Variants in TRPC1 observed in about 807,000 individuals in gnomAD.
TRPC1 encodes transient receptor potential cation channel subfamily C member 1.
A neutral mutation model predicts 88.2 loss-of-function variants in TRPC1; 42 were observed. That is an observed-to-expected ratio of 0.48 (90% CI 0.37 to 0.62). TRPC1 has a LOEUF of 0.62. Among genes scored for constraint, TRPC1 ranks in the 20% least tolerant of loss-of-function variants. The pLI, the probability that TRPC1 is intolerant of heterozygous loss-of-function variation, is 0.00. For synonymous variants in TRPC1, 288 were observed against 331.8 expected, an observed-to-expected ratio of 0.87 and a Z score of 1.43; for missense variants, 699 against 957.3, an observed-to-expected ratio of 0.73 and a Z score of 3.56.
intron 3 of TRPC1, among the ~76,000 whole-genome samples, chr3:142,745,336 C>T (rs1158395866): frequency 1.3e-5 from 2 of 152,140 alleles, no homozygotes; most frequent in Non-Finnish European, 2.9e-5. Flanking sequence ...TTTTATTCAT[C>T]ACCATTATCA....
At chr3:142,749,063 A>G (rs1208544682) in intron 4 of TRPC1, among the ~76,000 whole-genome samples, 1 of 152,218 alleles carries the variant, frequency 6.6e-6, no homozygotes, top group African/African-American at 2.4e-5. Context: ...CAGCAGAAAC[A>G]TTTATACATA....
intron 4 of TRPC1, among the ~76,000 whole-genome samples, chr3:142,772,823 A>G (rs1935624200): frequency 6.6e-6 from 1 of 152,118 alleles, no homozygotes; most frequent in Non-Finnish European, 1.5e-5. Context: ...TTTGTTTTAC[A>G]GTTTGGGAAC....
chr3:142,778,344 G>C (rs1025158055), intron 5 of TRPC1, among the ~76,000 whole-genome samples: 1 of 151,564 alleles, frequency 6.6e-6, no homozygotes, highest in African/African-American at 2.4e-5. Context: ...CTTCTGAAAT[G>C]AAGATTAAAT....
At chr3:142,754,591 C>T (rs1204405795) in intron 4 of TRPC1, among the ~76,000 whole-genome samples, 1 of 152,062 alleles carries the variant, frequency 6.6e-6, no homozygotes, top group Non-Finnish European at 1.5e-5. Flanking sequence ...GTTTAACTTG[C>T]ATAGTGTTTT....
chr3:142,789,207 G>T (rs1309375110), intron 7 of TRPC1, among the ~76,000 whole-genome samples: 1 of 152,156 alleles, frequency 6.6e-6, no homozygotes, highest in Non-Finnish European at 1.5e-5. Context: ...AGAAAGTATG[G>T]TCATGGAGGA....
At chr3:142,756,193 G>GAA (rs1934953962) in intron 4 of TRPC1, among the ~76,000 whole-genome samples, 1 of 152,028 alleles carries the variant, frequency 6.6e-6, no homozygotes, top group Admixed American at 6.6e-5. Context: ...CCAGTTTTTG[G>GAA]CAGTGAACAT....
At chr3:142,750,371 T>C (rs1934711106) in intron 4 of TRPC1, among the ~76,000 whole-genome samples, 1 of 151,958 alleles carries the variant, frequency 6.6e-6, no homozygotes, top group Non-Finnish European at 1.5e-5. Context: ...TGAGATACCA[T>C]CTCATGCCAG....
intron 4 of TRPC1, among the ~76,000 whole-genome samples, chr3:142,774,952 AC>A (rs1239099627): frequency 3.3e-5 from 5 of 152,196 alleles, no homozygotes; most frequent in Non-Finnish European, 5.9e-5. Context: ...ATTAATCCTT[AC>A]TATATCTTGA....
chr3:142,745,468 AC>A (rs923820993), intron 3 of TRPC1, among the ~76,000 whole-genome samples: 3 of 152,028 alleles, frequency 2.0e-5, no homozygotes, highest in Admixed American at 6.6e-5. Context: ...ATATGGAGAA[AC>A]CCCATCTCTA....
intron 12 of TRPC1, 51 bp from the exon 13 acceptor site, chr3:142,805,957 C>A: frequency 6.6e-7 from 1 of 1,514,698 alleles, no homozygotes; most frequent in Non-Finnish European, 9.0e-7. Flanking sequence ...AACTCTACCT[C>A]ATTTAAATAT....
chr3:142,805,600 T>C (rs567146331), intron 12 of TRPC1, among the ~76,000 whole-genome samples: 1 of 152,172 alleles, frequency 6.6e-6, no homozygotes, highest in Non-Finnish European at 1.5e-5. Flanking sequence ...AGAATGGAGT[T>C]CCTTTTGGGA....
intron 1 of TRPC1, among the ~76,000 whole-genome samples, chr3:142,725,507 T>A (rs1469744742): frequency 6.6e-6 from 1 of 152,250 alleles, no homozygotes; most frequent in East Asian, 1.9e-4. Context: ...TTATCCTTTT[T>A]TTAGTCTAGA....
In TRPC1 at chr3:142,780,842, A is replaced by G; in HGVS notation, c.773A>G (p.Tyr258Cys). ...SLVEVEFRND[Y>C]EELARQCKMF... ...AATGCTGCATTTTATAGGAATGATT[A>G]TGAGGAACTAGCCCGGCAATGTAAA... The change falls in exon 6 of 13, where the codon TAT becomes TGT. Residue 258 changes from tyrosine (Y) to cysteine (C), a missense_variant. Transcript: ENST00000476941. 6.2e-7 allele frequency: 1 copy of G among 1,605,108 alleles called. No individual in the cohort carries two copies. The highest frequency in any genetic ancestry group is 8.5e-7 in the Non-Finnish European group (1 of 1,176,238).
rs1936820634 is a variant in TRPC1 at position 142,807,205 on chromosome 3, A to ATGATT, written c.*973_*977dup. 6.6e-6 allele frequency: 1 copy of ATGATT among 152,108 alleles called. No individual in the cohort carries two copies. The allele number at this position is 152,108 out of a possible 1,614,324, so 9.4% of individuals were successfully genotyped here. A position where few individuals can be genotyped will look rare whatever the true frequency, so the allele number is the denominator to read the frequency against. Reference sequence around the variant, plus strand: ...AAACATAGGAAGTCTCTTTAATGCAATGATTTGTTTTATATTTGGACTAAG... The same window carrying ATGATT: ...AAACATAGGAAGTCTCTTTAATGCAATGATTTGATTTGTTTTATATTTGGACTAAG... On this transcript the variant is annotated 3_prime_UTR_variant, in exon 13 of 13. Transcript: ENST00000476941.
intron 4 of TRPC1, among the ~76,000 whole-genome samples, chr3:142,754,904 A>G (rs910425849): frequency 1.3e-5 from 2 of 152,164 alleles, no homozygotes; most frequent in African/African-American, 4.8e-5. Flanking sequence ...AATGGTATGA[A>G]TCTCCAAAAA....
chr3:142,790,682 C>T (rs9810360), intron 7 of TRPC1, among the ~76,000 whole-genome samples: 4,468 of 151,906 alleles, frequency 0.029, 231 homozygotes, highest in African/African-American at 0.1. Context: ...GTGTGTGTCT[C>T]CGTGTATGTT....
chr3:142,724,459 A>T lies in TRPC1; in HGVS notation c.-101A>T. On this transcript the variant is annotated 5_prime_UTR_variant, in exon 1 of 13. Coordinates refer to ENST00000476941, the MANE Select transcript of TRPC1 (RefSeq NM_001251845.2). The surrounding 1 kb of genome is among the most constrained non-coding windows in gnomAD (Gnocchi z 5.6). ...GCCGAGGCAGCAGTGGGAACGACTC[A>T]TCCTTTTTCCAGCCCTGGGGCGTGG... 8.2e-7 allele frequency: 1 copy of T among 1,221,854 alleles called. No homozygotes were observed. The highest frequency in any genetic ancestry group is 1.6e-5 in the South Asian group (1 of 62,646). 75.7% of individuals were successfully genotyped at this position (1,221,854 alleles called of 1,614,324 possible). A position where few individuals can be genotyped will look rare whatever the true frequency, so the allele number is the denominator to read the frequency against.
intron 5 of TRPC1, among the ~76,000 whole-genome samples, chr3:142,777,964 G>T (rs964579910): frequency 6.6e-6 from 1 of 152,040 alleles, no homozygotes; most frequent in African/African-American, 2.4e-5. Context: ...TTCCCCATCT[G>T]CCCTCTGCCA....
At chr3:142,750,534 A>C (rs1200328567) in intron 4 of TRPC1, among the ~76,000 whole-genome samples, 1 of 152,204 alleles carries the variant, frequency 6.6e-6, no homozygotes, top group African/African-American at 2.4e-5. Context: ...AGAACCAGAA[A>C]TACCATTTGA....
Sources: allele counts gnomAD v4.1 joint callset (sites outside exome capture counted in the v4.1 genomes callset), GRCh38; gene constraint gnomAD v4.1.1; non-coding constraint Gnocchi (gnomAD v3.1); transcripts MANE v1.5; gene names NCBI Gene and HGNC (gene_info 2026-07-23, HGNC 2026-07-21).